Variants in FHAD1 observed in about 807,000 individuals in gnomAD.
FHAD1 encodes forkhead associated phosphopeptide binding domain 1.
Under a neutral mutation model 191.3 loss-of-function variants are expected in FHAD1, and 146 were observed. That is an observed-to-expected ratio of 0.76 (90% CI 0.67 to 0.88). The LOEUF (loss-of-function observed/expected upper bound fraction) is 0.88, where lower values mean the gene tolerates loss of function less well. Among genes scored for constraint, FHAD1 ranks in the 40% least tolerant of loss-of-function variants. The probability of loss-of-function intolerance (pLI) is 0.00; values close to 1 mark genes in which losing one functional copy is unlikely to be tolerated. For missense variants in FHAD1, 1,635 were observed against 1,785.8 expected, an observed-to-expected ratio of 0.92 and a Z score of 1.52; for synonymous variants, 616 against 672.3, an observed-to-expected ratio of 0.92 and a Z score of 1.29.
chr1:15,363,971 C>T (rs1695618941), intron 23 of FHAD1: 1 of 346,816 alleles, frequency 2.9e-6, no homozygotes, highest in Admixed American at 3.9e-5. Context: ...CAAGGATACT[C>T]AGCCTCCGCA....
intron 26 of FHAD1, among the ~76,000 whole-genome samples, chr1:15,371,818 A>G (rs547202190): frequency 6.6e-6 from 1 of 152,366 alleles, no homozygotes; most frequent in East Asian, 1.9e-4. Context: ...GCGAGGCCGT[A>G]CTAAGCGCAG....
At chr1:15,261,684 T>C (rs10927750) in intron 2 of FHAD1, among the ~76,000 whole-genome samples, 66,871 of 151,882 alleles carry the variant, frequency 0.44, 15,664 homozygotes, top group East Asian at 0.8. Flanking sequence ...TCTTTCCCTC[T>C]GCTCCCAGAC....
chr1:15,301,407 C>T lies in FHAD1; in HGVS notation c.881C>T (p.Ala294Val). 3 of 1,551,704 alleles carry T rather than the reference C, an allele frequency of 1.9e-6. No homozygotes were observed. Among genetic ancestry groups the T allele is most frequent in the Non-Finnish European group, 2.6e-6 (3 of 1,147,006 alleles). Reference protein sequence around the residue: ...KCQVLDEDIDAKQKEIQSLKS... With the variant: ...KCQVLDEDIDVKQKEIQSLKS... ...CAGGTTCTGGATGAAGACATCGATG[C>T]CAAACAGAAAGAGATCCAGAGCTTG... Residue 294 changes from alanine (A) to valine (V), a missense_variant, in exon 6 of 34, where the codon GCC (alanine) becomes GTC (valine). By Grantham distance (64) the Ala-to-Val change is moderately conservative. Coordinates refer to ENST00000688493, the MANE Select transcript of FHAD1 (RefSeq NM_001391957.1).
At chr1:15,373,236 C>T (rs2102867746) in intron 26 of FHAD1, among the ~76,000 whole-genome samples, 1 of 152,122 alleles carries the variant, frequency 6.6e-6, no homozygotes, top group African/African-American at 2.4e-5. Flanking sequence ...GACGGCTGGG[C>T]ACAGTGGCTC....
At position 15,301,412 on chromosome 1, in the gene FHAD1, CAGAA is replaced by C. The variant is rs1425550558; in HGVS notation, c.890_893del (p.Lys297ArgfsTer5). Reference sequence around the variant, plus strand: ...TCTGGATGAAGACATCGATGCCAAACAGAAAGAGATCCAGAGCTTGAAAAGCCAG... The same window carrying C: ...TCTGGATGAAGACATCGATGCCAAACAGAGATCCAGAGCTTGAAAAGCCAG... On this transcript the variant is annotated frameshift_variant, in exon 6 of 34. Coordinates refer to ENST00000688493, the MANE Select transcript of FHAD1 (RefSeq NM_001391957.1). LOFTEE classifies it high-confidence loss of function. 5.2e-6 allele frequency: 8 copies of C among 1,551,650 alleles called. No individual in the cohort carries two copies. The African/African-American group carries it at 1.1e-4, about 21-fold the overall frequency.
At chr1:15,372,938 A>T (rs1216267850) in intron 26 of FHAD1, among the ~76,000 whole-genome samples, 1 of 152,174 alleles carries the variant, frequency 6.6e-6, no homozygotes, top group East Asian at 1.9e-4. Context: ...GAGGATGCAA[A>T]ATCTATGACA....
chr1:15,277,036 T>A (rs996381885), intron 3 of FHAD1, among the ~76,000 whole-genome samples: 2 of 152,222 alleles, frequency 1.3e-5, no homozygotes, highest in African/African-American at 2.4e-5. Flanking sequence ...TGATGTTTGC[T>A]TGTTGGTTTC....
At chr1:15,249,335 TGGAGGCA>T (rs1159400194) in intron 1 of FHAD1, among the ~76,000 whole-genome samples, 3 of 151,674 alleles carry the variant, frequency 2.0e-5, no homozygotes, top group Non-Finnish European at 4.4e-5. Flanking sequence ...GGTTTTACTC[TGGAGGCA>T]TTTCCTGTGG....
intron 4 of FHAD1, among the ~76,000 whole-genome samples, chr1:15,295,164 C>T (rs957062628): frequency 6.6e-6 from 1 of 152,132 alleles, no homozygotes; most frequent in African/African-American, 2.4e-5. Flanking sequence ...CAAATCTTGA[C>T]TCTATCACTC....
intron 28 of FHAD1, among the ~76,000 whole-genome samples, chr1:15,377,943 T>C (rs545429022): frequency 6.6e-6 from 1 of 152,348 alleles, no homozygotes; most frequent in African/African-American, 2.4e-5. Flanking sequence ...ACATGTGTTA[T>C]TTCATTTAAT....
intron 13 of FHAD1, chr1:15,328,843 A>G (rs1680011478): frequency 6.1e-6 from 1 of 163,450 alleles, no homozygotes; most frequent in African/African-American, 2.4e-5. Context: ...GGACGGGAGG[A>G]CTTGGCCACA....
At chr1:15,283,138 G>A (rs1165688264) in intron 3 of FHAD1, among the ~76,000 whole-genome samples, 2 of 152,238 alleles carry the variant, frequency 1.3e-5, no homozygotes, top group African/African-American at 2.4e-5. Flanking sequence ...CAGGAAAAGG[G>A]TATTACCTTT....
At position 15,397,446 on chromosome 1, in the gene FHAD1, C is replaced by T. The variant is rs989908242; in HGVS notation, c.*33C>T. The T allele has an allele frequency of 2.7e-6, 3 of 1,099,750 alleles. No homozygotes were observed. The highest frequency in any genetic ancestry group is 1.6e-5 in the African/African-American group (1 of 63,854). The allele number at this position is 1,099,750 out of a possible 1,614,324, so 68.1% of individuals were successfully genotyped here. A position where few individuals can be genotyped will look rare whatever the true frequency, so the allele number is the denominator to read the frequency against. On this transcript the variant is annotated 3_prime_UTR_variant, in exon 34 of 34. Transcript: ENST00000688493. ...TCGTCCCACCAGGCCTCATGTGATC[C>T]TCTGTGAGTTCATGTGACTCTTCTG...
chr1:15,386,830 CT>C (rs368531787), intron 31 of FHAD1, among the ~76,000 whole-genome samples: 63 of 149,388 alleles, frequency 4.2e-4, no homozygotes, highest in African/African-American at 1.4e-3. Flanking sequence ...TTCTCTTTTT[CT>C]TTTTTTTTCC....
chr1:15,273,139 TTG>T (rs1339121505), intron 3 of FHAD1, among the ~76,000 whole-genome samples: 3 of 152,196 alleles, frequency 2.0e-5, no homozygotes, highest in African/African-American at 7.2e-5. Flanking sequence ...GATTCTAATT[TTG>T]TGACTTGCCA....
At chr1:15,306,675 G>A (rs1670598921) in intron 6 of FHAD1, among the ~76,000 whole-genome samples, 2 of 152,248 alleles carry the variant, frequency 1.3e-5, no homozygotes, top group African/African-American at 4.8e-5. Flanking sequence ...TGGCTTCAGA[G>A]GGTGGAAGCC....
Position 15,346,640 on chromosome 1 carries a change from G to A in FHAD1, c.2346+1117G>A, listed in dbSNP as rs966297415. On this transcript the variant is annotated intron_variant, in intron 18 of 33. Coordinates refer to ENST00000688493, the MANE Select transcript of FHAD1 (RefSeq NM_001391957.1). ...TTAATGCATCCAAACTAGCTTTTGGGAAAGCTCTGTCACATTTGTGGATTC... is the reference window on the plus strand; with the variant it reads ...TTAATGCATCCAAACTAGCTTTTGGAAAAGCTCTGTCACATTTGTGGATTC... Among the ~76,000 whole-genome samples, 4 of 152,332 alleles carry A rather than the reference G, an allele frequency of 2.6e-5. No homozygotes were observed. In the East Asian group the frequency reaches 7.7e-4, roughly 29 times the overall value.
intron 32 of FHAD1, among the ~76,000 whole-genome samples, chr1:15,389,456 A>G: frequency 6.6e-6 from 1 of 150,446 alleles, no homozygotes; most frequent in South Asian, 2.1e-4. Context: ...TCAAAAAAAA[A>G]AAAAAAAAAA....
At chr1:15,384,835 C>G (rs1353842457) in intron 31 of FHAD1, among the ~76,000 whole-genome samples, 1 of 152,222 alleles carries the variant, frequency 6.6e-6, no homozygotes, top group Non-Finnish European at 1.5e-5. Flanking sequence ...CCACCCTCAC[C>G]TCACATCAGC....
Sources: allele counts gnomAD v4.1 joint callset (sites outside exome capture counted in the v4.1 genomes callset), GRCh38; gene constraint gnomAD v4.1.1; transcripts MANE v1.5; gene names NCBI Gene and HGNC (gene_info 2026-07-23, HGNC 2026-07-21).